Variants in PUDP observed in about 807,000 individuals in gnomAD.
PUDP encodes pseudouridine-5'-phosphatase.
A neutral mutation model predicts 9.4 loss-of-function variants in PUDP; 8 were observed. The observed-to-expected ratio is 0.85, with a 90% CI of 0.50 to 1.53. The LOEUF (loss-of-function observed/expected upper bound fraction) is 1.53. PUDP is among the 40% of genes most tolerant of loss of function. The probability of loss-of-function intolerance (pLI) is 0.00; values close to 1 mark genes in which losing one functional copy is unlikely to be tolerated. For missense variants in PUDP, 188 were observed against 189.7 expected, an observed-to-expected ratio of 0.99 and a Z score of 0.05; for synonymous variants, 99 against 80.7, an observed-to-expected ratio of 1.23 and a Z score of -1.22.
intron 3 of PUDP, 75 bp from the exon 4 acceptor site, chrX:7,050,547 T>A: frequency 2.1e-6 from 2 of 939,021 alleles, no homozygotes; most frequent in Non-Finnish European, 1.5e-6. Flanking sequence ...ATTATCGTCG[T>A]CACCATTGGC....
intron 1 of PUDP, among the ~76,000 whole-genome samples, chrX:7,036,878 C>G (rs1379774265): frequency 8.9e-6 from 1 of 112,195 alleles, no homozygotes; most frequent in African/African-American, 3.2e-5. Flanking sequence ...ATCAGTTCTT[C>G]CTTAAAGCCT....
chrX:7,018,729 AG>A (rs745812657), intron 1 of PUDP, among the ~76,000 whole-genome samples: 14 of 111,791 alleles, frequency 1.3e-4, no homozygotes, highest in Non-Finnish European at 1.9e-4. Flanking sequence ...CTTTCCAAGA[AG>A]GGTGTTGTAT....
intron 1 of PUDP, among the ~76,000 whole-genome samples, chrX:7,107,322 G>GT (rs1351715805): frequency 5.4e-5 from 6 of 111,977 alleles, no homozygotes; most frequent in Admixed American, 1.9e-4. Context: ...CTAAATACTA[G>GT]TTTTTTTCCC....
intron 3 of PUDP, among the ~76,000 whole-genome samples, chrX:6,777,765 T>G (rs898006557): frequency 4.5e-5 from 5 of 111,788 alleles, no homozygotes; most frequent in African/African-American, 1.6e-4. Flanking sequence ...TAGGATCTAT[T>G]TGATACTTCC....
At chrX:7,074,071 C>T (rs1930823017) in intron 3 of PUDP, among the ~76,000 whole-genome samples, 1 of 112,680 alleles carries the variant, frequency 8.9e-6, no homozygotes, top group Non-Finnish European at 1.9e-5. Flanking sequence ...ATACACTTTG[C>T]TTCCATATAC....
chrX:7,117,769 A>G (rs773738596), intron 1 of PUDP, among the ~76,000 whole-genome samples: 1 of 113,072 alleles, frequency 8.8e-6, no homozygotes, highest in East Asian at 2.8e-4. Flanking sequence ...AAGGTCTCAC[A>G]GGTATTTCAG....
intron 3 of PUDP, among the ~76,000 whole-genome samples, chrX:7,055,344 C>T (rs1602734153): frequency 9.0e-6 from 1 of 111,135 alleles, no homozygotes; most frequent in Admixed American, 9.6e-5. Context: ...CTCCACCTCC[C>T]GGGTTCAAGC....
chrX:7,137,558 CACAA>C (rs761745662), intron 1 of PUDP, among the ~76,000 whole-genome samples: 28 of 111,570 alleles, frequency 2.5e-4, no homozygotes, highest in African/African-American at 7.8e-4. Context: ...AAAACAAACA[CACAA>C]ACAAACAAAA....
intron 3 of PUDP, among the ~76,000 whole-genome samples, chrX:6,881,858 AATAAAATCTG>A (rs1927351104): frequency 8.9e-6 from 1 of 111,797 alleles, no homozygotes; most frequent in Admixed American, 9.6e-5. Context: ...ACAACTCTCC[AATAAAATCTG>A]ATAAAATCTT....
At position 7,109,869 on chromosome X, in the gene PUDP, G is replaced by T. The variant is rs189678889; in HGVS notation, c.62-4031C>A. ...GCTTGCAGCTTTAACATTGCTTCAG[G>T]GTCCTTTTTACCAGGAAAGGTCATA... On this transcript the variant is annotated intron_variant, in intron 1 of 3. Transcript: ENST00000381077. Among the ~76,000 whole-genome samples, 431 of 112,481 alleles carry T rather than the reference G, an allele frequency of 3.8e-3. 2 individuals are homozygous for T. Among genetic ancestry groups the T allele is most frequent in the African/African-American group, 0.013 (416 of 30,984 alleles).
At chrX:7,022,301 T>A (rs1391903563) in intron 1 of PUDP, among the ~76,000 whole-genome samples, 1 of 111,832 alleles carries the variant, frequency 8.9e-6, no homozygotes, top group Non-Finnish European at 1.9e-5. Context: ...ATGAAGTACA[T>A]CCTGTTTCTC....
chrX:6,797,421 T>C (rs998767798), intron 3 of PUDP, among the ~76,000 whole-genome samples: 1 of 111,481 alleles, frequency 9.0e-6, no homozygotes, highest in African/African-American at 3.3e-5. Context: ...TAATGGTGCA[T>C]GACTCCCGCA....
At chrX:7,022,001 G>C (rs183291069) in intron 1 of PUDP, among the ~76,000 whole-genome samples, 2 of 111,973 alleles carry the variant, frequency 1.8e-5, no homozygotes, top group Non-Finnish European at 3.8e-5. Context: ...GCATCCTTGG[G>C]CTTTATCAGT....
intron 3 of PUDP, among the ~76,000 whole-genome samples, chrX:6,746,409 CTTTATT>C (rs1924999838): frequency 8.9e-6 from 1 of 112,189 alleles, no homozygotes. Context: ...ACACAACATT[CTTTATT>C]TTTATTTTTA....
At chrX:6,784,309 G>C (rs1602617888) in intron 3 of PUDP, among the ~76,000 whole-genome samples, 1 of 111,845 alleles carries the variant, frequency 8.9e-6, no homozygotes, top group Middle Eastern at 4.7e-3. Context: ...CAAGCAGGGT[G>C]CAAATGTTGT....
chrX:7,008,677 A>G (rs1272625320), intron 1 of PUDP, among the ~76,000 whole-genome samples: 1 of 112,050 alleles, frequency 8.9e-6, no homozygotes, highest in African/African-American at 3.3e-5. Context: ...CTTTACCATA[A>G]CCCATGCTTT....
intron 1 of PUDP, among the ~76,000 whole-genome samples, chrX:7,004,545 A>G (rs755060594): frequency 1.8e-5 from 2 of 112,305 alleles, no homozygotes; most frequent in Non-Finnish European, 3.8e-5. Context: ...AACATATACA[A>G]TGTACCACAA....
chrX:6,737,749 G>A (rs1924890617), intron 3 of PUDP, among the ~76,000 whole-genome samples: 1 of 111,492 alleles, frequency 9.0e-6, no homozygotes, highest in Non-Finnish European at 1.9e-5. Context: ...GCCCAAAAAT[G>A]CCAGCAGCAC....
At chrX:6,862,039 A>C (rs1255035820) in intron 3 of PUDP, among the ~76,000 whole-genome samples, 1 of 111,984 alleles carries the variant, frequency 8.9e-6, no homozygotes, top group African/African-American at 3.2e-5. Context: ...TAGCGAACTG[A>C]GAACGGTCAA....
Sources: allele counts gnomAD v4.1 joint callset (sites outside exome capture counted in the v4.1 genomes callset), GRCh38; gene constraint gnomAD v4.1.1; transcripts MANE v1.5; gene names NCBI Gene and HGNC (gene_info 2026-07-23, HGNC 2026-07-21).